Variants in MGMT observed in about 807,000 individuals in gnomAD.
MGMT encodes the protein methylated-DNA--protein-cysteine methyltransferase.
MGMT carries 14 observed loss-of-function variants against 15.9 expected under a neutral mutation model. The ratio of observed to expected loss-of-function variants is 0.88; its 90% confidence interval spans 0.58 to 1.37. The LOEUF is 1.37. Ranked by LOEUF, MGMT falls within the 40% of genes most tolerant of loss-of-function variation. The probability of loss-of-function intolerance (pLI) is 0.00; values close to 1 mark genes in which losing one functional copy is unlikely to be tolerated. For synonymous variants in MGMT, 130 were observed against 118.2 expected (o/e 1.10, Z -0.65); for missense variants, 282 against 268.1 (o/e 1.05, Z -0.36).
chr10:129,544,797 C>T (rs1291447317), intron 2 of MGMT, among the ~76,000 whole-genome samples: 4 of 152,346 alleles, frequency 2.6e-5, no homozygotes, highest in East Asian at 1.9e-4. Context: ...CAGGCTTGTC[C>T]ACATTGTATG....
intron 2 of MGMT, chr10:129,536,603 G>A (rs923932235): frequency 1.8e-5 from 9 of 504,830 alleles, no homozygotes; most frequent in African/African-American, 5.8e-5. Context: ...ACCCAGGGCC[G>A]TTCCCTTCAT....
chr10:129,728,667 C>A (rs905846970), intron 3 of MGMT, among the ~76,000 whole-genome samples: 2 of 152,050 alleles, frequency 1.3e-5, no homozygotes, highest in African/African-American at 4.8e-5. Context: ...CGCCACTGCC[C>A]GCCTGCAGGT....
chr10:129,575,452 T>C (rs1389654530), intron 2 of MGMT, among the ~76,000 whole-genome samples: 2 of 149,946 alleles, frequency 1.3e-5, no homozygotes, highest in African/African-American at 2.5e-5. Context: ...CATAACGAAA[T>C]GAAGGCAGAA....
chr10:129,720,478 T>C (rs958961781), intron 3 of MGMT, among the ~76,000 whole-genome samples: 2 of 152,224 alleles, frequency 1.3e-5, no homozygotes, highest in African/African-American at 4.8e-5. Context: ...TGCTCTGTGC[T>C]TCACTCTGCA....
chr10:129,641,323 A>G (rs928701312), intron 2 of MGMT, among the ~76,000 whole-genome samples: 1 of 152,236 alleles, frequency 6.6e-6, no homozygotes, highest in Non-Finnish European at 1.5e-5. Flanking sequence ...AGAAATGGAG[A>G]GATATACTGT....
At chr10:129,502,946 C>T (rs1156919475) in intron 1 of MGMT, among the ~76,000 whole-genome samples, 1 of 152,130 alleles carries the variant, frequency 6.6e-6, no homozygotes, top group Non-Finnish European at 1.5e-5. Context: ...TACGGCTCTA[C>T]CCCGTATTTC....
Position 129,767,057 on chromosome 10 carries a change from G to C in MGMT, c.*60G>C. On this transcript the variant is annotated 3_prime_UTR_variant, in exon 5 of 5. Coordinates refer to ENST00000651593, the MANE Select transcript of MGMT (RefSeq NM_002412.5). ...CACGTGTAACACTGCATCGGATGCG[G>C]GGCGTGGAGGCACCGCTGTATTAAA... 2 of 1,383,774 alleles carry C rather than the reference G, an allele frequency of 1.4e-6. No individual in the cohort carries two copies. The highest frequency in any genetic ancestry group is 2.0e-6 in the Non-Finnish European group (2 of 1,023,276). 85.7% of individuals were successfully genotyped at this position (1,383,774 alleles called of 1,614,324 possible).
chr10:129,714,969 T>C (rs1052852381), intron 3 of MGMT, among the ~76,000 whole-genome samples: 2 of 152,124 alleles, frequency 1.3e-5, no homozygotes, highest in African/African-American at 4.8e-5. Context: ...AGTTTTATCC[T>C]GAATGTAAGA....
At chr10:129,677,169 TG>T (rs1036575903) in intron 2 of MGMT, among the ~76,000 whole-genome samples, 16 of 85,536 alleles carry the variant, frequency 1.9e-4, no homozygotes, top group African/African-American at 5.5e-4. Context: ...GAAACACATG[TG>T]TTTTTTTTTT....
At chr10:129,736,294 T>C (rs575737585) in intron 3 of MGMT, among the ~76,000 whole-genome samples, 2,810 of 151,602 alleles carry the variant, frequency 0.019, 81 homozygotes, top group African/African-American at 0.063. Flanking sequence ...CTTGTTGAAT[T>C]GATCCCTTTA....
At chr10:129,615,943 G>C (rs576691084) in intron 2 of MGMT, among the ~76,000 whole-genome samples, 1 of 152,302 alleles carries the variant, frequency 6.6e-6, no homozygotes, top group African/African-American at 2.4e-5. Context: ...AGCAAGGGAG[G>C]CTTCTGCTGT....
intron 2 of MGMT, among the ~76,000 whole-genome samples, chr10:129,660,794 A>ACG (rs1278802414): frequency 2.0e-5 from 3 of 151,904 alleles, no homozygotes; most frequent in African/African-American, 7.3e-5. Flanking sequence ...ACACACACAC[A>ACG]CACACGCACA....
intron 2 of MGMT, among the ~76,000 whole-genome samples, chr10:129,606,055 T>C (rs1325203690): frequency 6.6e-6 from 1 of 152,218 alleles, no homozygotes; most frequent in Non-Finnish European, 1.5e-5. Context: ...GGACTGGCAC[T>C]AATTTCCTCT....
chr10:129,470,710 C>G (rs1288074897), intron 1 of MGMT, among the ~76,000 whole-genome samples: 2 of 152,180 alleles, frequency 1.3e-5, no homozygotes, highest in African/African-American at 4.8e-5. Context: ...TGGGAGCTGC[C>G]CATGCGGATG....
intron 4 of MGMT, among the ~76,000 whole-genome samples, chr10:129,766,553 A>G (rs915420950): frequency 6.6e-6 from 1 of 152,198 alleles, no homozygotes; most frequent in Non-Finnish European, 1.5e-5. Context: ...ACGTCACCTC[A>G]GGACACTCGT....
intron 2 of MGMT, among the ~76,000 whole-genome samples, chr10:129,640,548 A>G (rs1019250173): frequency 6.6e-6 from 1 of 152,178 alleles, no homozygotes; most frequent in South Asian, 2.1e-4. Context: ...CAAAACATTT[A>G]TGGAAGAAAT....
At chr10:129,610,026 A>T (rs1016226729) in intron 2 of MGMT, among the ~76,000 whole-genome samples, 1 of 152,144 alleles carries the variant, frequency 6.6e-6, no homozygotes. Flanking sequence ...AGACACTGAG[A>T]GTTTTTGCTT....
intron 2 of MGMT, among the ~76,000 whole-genome samples, chr10:129,684,041 CTGGTCCCCT>C (rs1409623213): frequency 1.3e-5 from 2 of 152,238 alleles, no homozygotes; most frequent in African/African-American, 4.8e-5. Flanking sequence ...TCGGCAGAGG[CTGGTCCCCT>C]CTGTATTTGC....
rs1461054422 is a variant in MGMT at position 129,708,001 on chromosome 10, G to C, written c.232G>C (p.Glu78Gln). 1 of 1,613,878 alleles carries C rather than the reference G, an allele frequency of 6.2e-7. No individual in the cohort carries two copies. Among genetic ancestry groups the C allele is most frequent in the South Asian group, 1.1e-5 (1 of 91,074 alleles). ...AYFHQPEAIE[E>Q]FPVPALHHPV... Reference sequence around the variant, plus strand: ...TTTCCACCAGCCCGAGGCTATCGAAGAGTTCCCCGTGCCGGCTCTTCACCA... The same window carrying C: ...TTTCCACCAGCCCGAGGCTATCGAACAGTTCCCCGTGCCGGCTCTTCACCA... Residue 78 changes from glutamate (E) to glutamine (Q), a missense_variant, in exon 3 of 5, where the codon GAG becomes CAG. Coordinates refer to ENST00000651593, the MANE Select transcript of MGMT (RefSeq NM_002412.5).
Sources: allele counts gnomAD v4.1 joint callset (sites outside exome capture counted in the v4.1 genomes callset), GRCh38; gene constraint gnomAD v4.1.1; transcripts MANE v1.5; gene names NCBI Gene and HGNC (gene_info 2026-07-23, HGNC 2026-07-21).